Variants in PCDH7 observed in about 807,000 individuals in gnomAD.
The protein encoded by PCDH7 is protocadherin-7.
Under a neutral mutation model 58.9 loss-of-function variants are expected in PCDH7, and 17 were observed. The observed-to-expected ratio is 0.29, with a 90% CI of 0.20 to 0.43. The LOEUF is 0.43. Ranked by LOEUF, PCDH7 falls within the 20% of genes least tolerant of loss-of-function variation. The probability of loss-of-function intolerance (pLI) is 1.00; values close to 1 mark genes in which losing one functional copy is unlikely to be tolerated. For synonymous variants in PCDH7, 664 were observed against 616.4 expected (o/e 1.08, Z -1.14); for missense variants, 1,274 against 1,441.0 (o/e 0.88, Z 1.88).
At chr4:30,775,435 A>G (rs1721936822) in intron 1 of PCDH7, among the ~76,000 whole-genome samples, 1 of 152,088 alleles carries the variant, frequency 6.6e-6, no homozygotes, top group Admixed American at 6.6e-5. Flanking sequence ...TATACTCTAT[A>G]CTAAGGGTAT....
intron 3 of PCDH7, among the ~76,000 whole-genome samples, chr4:31,117,005 T>C (rs981242187): frequency 2.2e-4 from 34 of 152,096 alleles, no homozygotes; most frequent in Non-Finnish European, 1.9e-4. Context: ...CTGGCTAATT[T>C]TGAATTTTTA....
chr4:30,817,926 A>T (rs1221486779), intron 1 of PCDH7, among the ~76,000 whole-genome samples: 1 of 152,046 alleles, frequency 6.6e-6, no homozygotes, highest in Non-Finnish European at 1.5e-5. Context: ...ATCTCGTCCA[A>T]GTTAAAGCCA....
intron 3 of PCDH7, among the ~76,000 whole-genome samples, chr4:30,955,763 G>T (rs2109453020): frequency 6.6e-6 from 1 of 151,836 alleles, no homozygotes; most frequent in Non-Finnish European, 1.5e-5. Context: ...TGACCAGGCT[G>T]GTCTCAAACT....
chr4:31,020,287 TA>T (rs996134062), intron 3 of PCDH7, among the ~76,000 whole-genome samples: 1 of 152,230 alleles, frequency 6.6e-6, no homozygotes, highest in African/African-American at 2.4e-5. Flanking sequence ...TCTTTAGAGA[TA>T]AAAAGCATTT....
chr4:30,722,469 G>A lies in PCDH7; in HGVS notation c.1047G>A (p.Ala349=), dbSNP rs149317639. 13 of 1,609,906 alleles carry A rather than the reference G, an allele frequency of 8.1e-6. No homozygotes were observed. The African/African-American group carries it at 1.5e-4, about 18-fold the overall frequency. ...GGCAGATCGAATACGTGTTCGGGGC[G>A]GCCACCGAGTCGGTGAGGCGGCTGC... The change falls in exon 1 of 2, where the codon GCG becomes GCA. Residue 349 remains alanine, a synonymous_variant. Transcript: ENST00000361762. This position sits in a 1 kb window ranked among gnomAD's most constrained non-coding sequence, Gnocchi z 7.6.
chr4:30,915,182 TCAAA>T (rs1447841485), intron 1 of PCDH7, among the ~76,000 whole-genome samples: 1 of 152,176 alleles, frequency 6.6e-6, no homozygotes, highest in Non-Finnish European at 1.5e-5. Flanking sequence ...GATCAATAAA[TCAAA>T]CACTTTACAG....
intron 3 of PCDH7, among the ~76,000 whole-genome samples, chr4:31,046,327 G>T (rs1756283150): frequency 6.6e-6 from 1 of 151,804 alleles, no homozygotes; most frequent in African/African-American, 2.4e-5. Flanking sequence ...GATTTCTTGG[G>T]CTTAAAATAC....
intron 3 of PCDH7, among the ~76,000 whole-genome samples, chr4:31,093,783 C>T (rs937386695): frequency 6.6e-6 from 1 of 151,998 alleles, no homozygotes; most frequent in African/African-American, 2.4e-5. Flanking sequence ...TGAGCCAAAG[C>T]GTCACTTCTT....
chr4:31,002,689 G>T (rs149229431), intron 3 of PCDH7, among the ~76,000 whole-genome samples: 3,240 of 152,152 alleles, frequency 0.021, 103 homozygotes, highest in Admixed American at 0.089. Flanking sequence ...CTGTAATTTT[G>T]GCATGAAATA....
At chr4:30,865,267 T>C (rs947670888) in intron 1 of PCDH7, among the ~76,000 whole-genome samples, 5 of 152,098 alleles carry the variant, frequency 3.3e-5, no homozygotes, top group African/African-American at 1.2e-4. Flanking sequence ...TGTTAAAAAT[T>C]TGAAATGTTT....
At chr4:31,099,260 G>A (rs1423490740) in intron 3 of PCDH7, among the ~76,000 whole-genome samples, 1 of 152,210 alleles carries the variant, frequency 6.6e-6, no homozygotes, top group Non-Finnish European at 1.5e-5. Context: ...GCCCTGTGTT[G>A]TAGGTCTTGA....
chr4:30,725,666 C>T (rs900493803), intron 1 of PCDH7, among the ~76,000 whole-genome samples: 11 of 152,158 alleles, frequency 7.2e-5, no homozygotes, highest in South Asian at 2.1e-4. Flanking sequence ...TAAAACATTA[C>T]GTATTTCTTA....
intron 3 of PCDH7, among the ~76,000 whole-genome samples, chr4:31,125,819 A>T (rs766666116): frequency 6.6e-6 from 1 of 152,236 alleles, no homozygotes; most frequent in African/African-American, 2.4e-5. Flanking sequence ...GTAGGTTAGT[A>T]GTATTACATA....
intron 3 of PCDH7, among the ~76,000 whole-genome samples, chr4:31,126,400 TC>T (rs1299403898): frequency 6.6e-6 from 1 of 152,120 alleles, no homozygotes; most frequent in African/African-American, 2.4e-5. Flanking sequence ...CCTTAAGCGA[TC>T]TGCTCACCTC....
At chr4:31,119,386 G>A (rs943950887) in intron 3 of PCDH7, among the ~76,000 whole-genome samples, 3 of 151,988 alleles carry the variant, frequency 2.0e-5, no homozygotes, top group South Asian at 2.1e-4. Context: ...TTTACCTTAA[G>A]GCAGAGCTGA....
intron 2 of PCDH7, among the ~76,000 whole-genome samples, chr4:30,926,794 T>TA (rs1251833049): frequency 1.3e-5 from 2 of 152,176 alleles, no homozygotes; most frequent in Non-Finnish European, 2.9e-5. Flanking sequence ...TCTACATTCT[T>TA]TTCTCTTTTT....
exon 2 of PCDH7, chr4:30,731,895 A>G (rs1464023678): frequency 6.6e-6 from 1 of 152,116 alleles, no homozygotes; most frequent in African/African-American, 2.4e-5. Context: ...AGTGTTCCAT[A>G]TGTAAAGTTT....
chr4:30,760,727 AC>A lies in PCDH7; in HGVS notation c.70+36133del, dbSNP rs562030321. Among the ~76,000 whole-genome samples the A allele has an allele frequency of 2.0e-4, 31 of 152,260 alleles. No homozygotes were observed. In the South Asian group the frequency reaches 5.8e-3, roughly 29 times the overall value. On this transcript the variant is annotated intron_variant, in intron 1 of 3. Coordinates refer to the PCDH7 transcript ENST00000509759. ...TATGCCATGTCATTTCCTAAAGGGC[AC>A]CAAGACACTGATAAGGTCTCCCAAC...
At chr4:31,094,966 A>G (rs1212681520) in intron 3 of PCDH7, among the ~76,000 whole-genome samples, 1 of 152,162 alleles carries the variant, frequency 6.6e-6, no homozygotes, top group East Asian at 1.9e-4. Context: ...TTGATGGCCC[A>G]ACTGGTAATC....
Sources: gnomAD v4.1 joint callset for allele counts (sites outside exome capture counted in the v4.1 genomes callset) on GRCh38, gnomAD v4.1.1 for gene constraint, Gnocchi (gnomAD v3.1) non-coding constraint, MANE v1.5 for transcripts, NCBI Gene and HGNC (gene_info 2026-07-23, HGNC 2026-07-21) for gene names.